The following RASSF3 variants were observed in gnomAD, a reference collection of about 807,000 sequenced individuals.
RASSF3 encodes ras association domain-containing protein 3.
RASSF3 carries 19 observed loss-of-function variants against 19.9 expected under a neutral mutation model. The ratio of observed to expected loss-of-function variants is 0.96; its 90% CI spans 0.67 to 1.40. The LOEUF (loss-of-function observed/expected upper bound fraction) is 1.40, where lower values mean the gene tolerates loss of function less well. Ranked by LOEUF, RASSF3 falls within the 40% of genes most tolerant of loss-of-function variation. RASSF3 has a pLI of 0.00. For missense variants in RASSF3, 306 were observed against 289.8 expected, an observed-to-expected ratio of 1.06 and a Z score of -0.41; for synonymous variants, 110 against 104.2, an observed-to-expected ratio of 1.06 and a Z score of -0.34.
At chr12:64,659,758 G>A (rs1872277558) in intron 1 of RASSF3, among the ~76,000 whole-genome samples, 1 of 151,948 alleles carries the variant, frequency 6.6e-6, no homozygotes, top group Non-Finnish European at 1.5e-5. Flanking sequence ...GACCATCCTG[G>A]CCAACATGGT....
At chr12:64,590,529 C>T (rs750256277) in intron 2 of RASSF3, among the ~76,000 whole-genome samples, 2 of 152,126 alleles carry the variant, frequency 1.3e-5, no homozygotes, top group Non-Finnish European at 2.9e-5. Flanking sequence ...TGCACGCAAA[C>T]ATTTTTAAGT....
intron 1 of RASSF3, among the ~76,000 whole-genome samples, chr12:64,672,613 A>G (rs994361362): frequency 5.9e-5 from 9 of 152,028 alleles, no homozygotes; most frequent in East Asian, 1.9e-4. Flanking sequence ...GGCTCAGGCA[A>G]TCCTCCCACC....
chr12:64,519,825 C>T (rs751997798), intron 1 of RASSF3, among the ~76,000 whole-genome samples: 4 of 151,532 alleles, frequency 2.6e-5, no homozygotes, highest in Non-Finnish European at 5.9e-5. Flanking sequence ...TATGTGTGTG[C>T]GTGTATATAT....
chr12:64,652,119 T>G (rs992541607), intron 1 of RASSF3, among the ~76,000 whole-genome samples: 12 of 152,208 alleles, frequency 7.9e-5, no homozygotes, highest in Admixed American at 6.5e-4. Flanking sequence ...TTGCAATATA[T>G]TGGTTATTTC....
At chr12:64,568,039 T>G (rs935618509) in intron 2 of RASSF3, among the ~76,000 whole-genome samples, 1 of 152,186 alleles carries the variant, frequency 6.6e-6, no homozygotes, top group Non-Finnish European at 1.5e-5. Flanking sequence ...TTGTTTGTTT[T>G]TTGTTTTTTT....
intron 1 of RASSF3, among the ~76,000 whole-genome samples, chr12:64,646,641 C>G (rs1262617091): frequency 4.6e-5 from 7 of 152,130 alleles, no homozygotes; most frequent in African/African-American, 1.4e-4. Flanking sequence ...TGCTTATGTT[C>G]TTCTTCTCCC....
chr12:64,637,034 A>G (rs561195645), intron 1 of RASSF3, among the ~76,000 whole-genome samples: 3 of 152,298 alleles, frequency 2.0e-5, no homozygotes, highest in East Asian at 3.9e-4. Flanking sequence ...TCCCAAGTTT[A>G]TATGGGGAGA....
intron 1 of RASSF3, among the ~76,000 whole-genome samples, chr12:64,523,441 C>G (rs1565831983): frequency 6.6e-6 from 1 of 151,968 alleles, no homozygotes; most frequent in Non-Finnish European, 1.5e-5. Flanking sequence ...AAAAAATAAG[C>G]TTCTTTGTAC....
chr12:64,612,723 G>A (rs377125063), intron 1 of RASSF3, among the ~76,000 whole-genome samples: 3 of 151,964 alleles, frequency 2.0e-5, no homozygotes, highest in African/African-American at 7.3e-5. Context: ...TAATCTGCCC[G>A]CCTTGGCCTC....
intron 2 of RASSF3, among the ~76,000 whole-genome samples, chr12:64,579,599 C>T (rs904117943): frequency 7.2e-5 from 11 of 152,166 alleles, no homozygotes; most frequent in African/African-American, 2.4e-4. Flanking sequence ...GATCCGCCTG[C>T]CTTGGCCTTC....
chr12:64,542,226 G>A (rs560840193), downstream of RASSF3, among the ~76,000 whole-genome samples: 3 of 152,206 alleles, frequency 2.0e-5, no homozygotes, highest in East Asian at 3.9e-4. Flanking sequence ...CACTCAAGAG[G>A]CTGAGGCAGG....
chr12:64,667,997 G>C (rs1219579360), intron 1 of RASSF3, among the ~76,000 whole-genome samples: 1 of 152,216 alleles, frequency 6.6e-6, no homozygotes, highest in African/African-American at 2.4e-5. Context: ...GGGCTCTAGA[G>C]GCCTTTGGTC....
At position 64,510,070 on chromosome 12, in the gene RASSF3, G is replaced by A. The variant is rs1028378980; in HGVS notation, c.169+2741G>A. 2.1e-5 allele frequency among the ~76,000 whole-genome samples: 3 copies of A among 144,612 alleles called. 1 individual carries two copies. Among genetic ancestry groups the A allele is most frequent in the South Asian group, 4.3e-4 (2 of 4,616 alleles). 94.9% of individuals were successfully genotyped at this position (144,612 alleles called of 152,430 possible). A position where few individuals can be genotyped will look rare whatever the true frequency, so the allele number is the denominator to read the frequency against. ...CCACTACACTGCATGCAGCCTGGGC[G>A]ACAGAGTGAAACTCCATCTCAAAAA... On this transcript the variant is annotated intron_variant, in intron 1 of 5. Coordinates refer to the RASSF3 transcript ENST00000637125.
downstream of RASSF3, among the ~76,000 whole-genome samples, chr12:64,546,018 C>T (rs888388203): frequency 6.9e-6 from 1 of 144,154 alleles, no homozygotes; most frequent in Non-Finnish European, 1.5e-5. Context: ...ATGGCGTGAA[C>T]CAGGGAGGCG....
intron 2 of RASSF3, among the ~76,000 whole-genome samples, chr12:64,573,403 C>A (rs1869549904): frequency 6.6e-6 from 1 of 152,200 alleles, no homozygotes; most frequent in Admixed American, 6.5e-5. Context: ...CTTACTAATA[C>A]ATTATTTTAT....
intron 1 of RASSF3, among the ~76,000 whole-genome samples, chr12:64,518,244 C>G (rs1565830809): frequency 6.6e-6 from 1 of 152,180 alleles, no homozygotes; most frequent in Admixed American, 6.6e-5. Context: ...TTCATATACT[C>G]CATCTGTTAG....
chr12:64,559,168 C>T (rs115071392), intron 2 of RASSF3, among the ~76,000 whole-genome samples: 1,835 of 152,208 alleles, frequency 0.012, 38 homozygotes, highest in African/African-American at 0.042. Flanking sequence ...ATACTGGTGC[C>T]CCTCTCAAGT....
chr12:64,545,986 C>T (rs564368293), downstream of RASSF3, among the ~76,000 whole-genome samples: 50 of 150,754 alleles, frequency 3.3e-4, no homozygotes, highest in African/African-American at 1.1e-3. Context: ...GTCCCAGCTA[C>T]TCTGGAGGCT....
chr12:64,574,322 AAAAG>A (rs1869564383), intron 2 of RASSF3, among the ~76,000 whole-genome samples: 1 of 152,062 alleles, frequency 6.6e-6, no homozygotes, highest in Non-Finnish European at 1.5e-5. Flanking sequence ...AAAAAAAAAA[AAAAG>A]AAATATTTGA....
Sources: allele counts gnomAD v4.1 joint callset (sites outside exome capture counted in the v4.1 genomes callset), GRCh38; gene constraint gnomAD v4.1.1; transcripts MANE v1.5; gene names NCBI Gene and HGNC (gene_info 2026-07-23, HGNC 2026-07-21).